Variants in ZBTB7C observed in about 807,000 individuals in gnomAD.
The protein encoded by ZBTB7C is zinc finger and BTB domain containing 7C, also known as zinc finger and BTB domain-containing protein 7C.
Under a neutral mutation model 25.7 loss-of-function variants are expected in ZBTB7C, and 8 were observed. The ratio of observed to expected loss-of-function variants is 0.31; its 90% CI spans 0.18 to 0.56. ZBTB7C has a LOEUF of 0.56. ZBTB7C is among the 20% of genes least tolerant of loss of function. ZBTB7C has a pLI of 0.91. For missense variants in ZBTB7C, 824 were observed against 855.2 expected, an observed-to-expected ratio of 0.96 and a Z score of 0.46; for synonymous variants, 394 against 369.0, an observed-to-expected ratio of 1.07 and a Z score of -0.78.
At chr18:48,123,324 C>T (rs2039692590) in intron 3 of ZBTB7C, among the ~76,000 whole-genome samples, 1 of 152,268 alleles carries the variant, frequency 6.6e-6, no homozygotes, top group African/African-American at 2.4e-5. Flanking sequence ...ATGGGGACCC[C>T]AGCTGCTGGG....
chr18:48,389,982 T>A (rs1420817890), intron 1 of ZBTB7C, among the ~76,000 whole-genome samples: 3 of 152,196 alleles, frequency 2.0e-5, no homozygotes, highest in African/African-American at 7.2e-5. Context: ...ATTTTTTCAG[T>A]GTATTTAAAG....
Position 48,040,582 on chromosome 18 carries a change from T to C in ZBTB7C, c.526A>G (p.Asn176Asp), listed in dbSNP as rs762206149. Residue 176 changes from asparagine to aspartate, a missense_variant, in exon 4 of 5, where the codon AAC becomes GAC. Coordinates refer to ENST00000590800, the MANE Select transcript of ZBTB7C (RefSeq NM_001318841.2). ...CTGATGTCCTGGGGGTCAGGCAAGTTTTCTTGGTCAGCAAAGTCCTCCGTG... is the reference window on the plus strand; with the variant it reads ...CTGATGTCCTGGGGGTCAGGCAAGTCTTCTTGGTCAGCAAAGTCCTCCGTG... ...DDTEDFADQE[N>D]LPDPQDISCH... 1 of 1,613,844 alleles carries C rather than the reference T, an allele frequency of 6.2e-7. No homozygotes were observed. The highest frequency in any genetic ancestry group is 2.2e-5 in the East Asian group (1 of 44,872).
chr18:48,195,206 T>C (rs76443480), intron 2 of ZBTB7C, among the ~76,000 whole-genome samples: 2,115 of 152,348 alleles, frequency 0.014, 26 homozygotes, highest in Non-Finnish European at 0.022. Flanking sequence ...TTCTATTTTT[T>C]GGTAAATTGT....
chr18:48,056,002 T>C (rs1256000089), intron 3 of ZBTB7C, among the ~76,000 whole-genome samples: 1 of 152,074 alleles, frequency 6.6e-6, no homozygotes, highest in East Asian at 1.9e-4. Context: ...AAATGTTGAA[T>C]AAGAAATACA....
At chr18:48,205,297 T>A (rs923738151) in intron 2 of ZBTB7C, among the ~76,000 whole-genome samples, 2 of 152,078 alleles carry the variant, frequency 1.3e-5, no homozygotes, top group Non-Finnish European at 2.9e-5. Flanking sequence ...AGTGACAATA[T>A]GTAGAGGACA....
intron 3 of ZBTB7C, among the ~76,000 whole-genome samples, chr18:48,060,449 C>G (rs932873188): frequency 2.0e-5 from 3 of 152,060 alleles, no homozygotes; most frequent in African/African-American, 7.2e-5. Context: ...AATCAGCTTT[C>G]ACTGTGGGAG....
At chr18:48,383,576 T>A (rs1216984774) in intron 1 of ZBTB7C, among the ~76,000 whole-genome samples, 1 of 152,192 alleles carries the variant, frequency 6.6e-6, no homozygotes, top group Non-Finnish European at 1.5e-5. Context: ...CCAAGTGCAA[T>A]CTTTTTCAAA....
chr18:48,233,424 A>C (rs1008109425), intron 2 of ZBTB7C, among the ~76,000 whole-genome samples: 1 of 152,244 alleles, frequency 6.6e-6, no homozygotes, highest in Non-Finnish European at 1.5e-5. Context: ...AGGTGAATTC[A>C]GATTGTAAAA....
At chr18:48,318,283 T>G (rs2144836100) in intron 2 of ZBTB7C, among the ~76,000 whole-genome samples, 1 of 152,046 alleles carries the variant, frequency 6.6e-6, no homozygotes, top group African/African-American at 2.4e-5. Flanking sequence ...TCTTCCTCTC[T>G]TCCTCCCATA....
intron 2 of ZBTB7C, among the ~76,000 whole-genome samples, chr18:48,296,723 A>G (rs2045402883): frequency 6.6e-6 from 1 of 152,078 alleles, no homozygotes; most frequent in South Asian, 2.1e-4. Context: ...ACAGTCTGGT[A>G]GTGGCGGGTG....
Position 48,400,111 on chromosome 18 carries a change from C to T in ZBTB7C, c.-304+9115G>A, listed in dbSNP as rs553073656. On this transcript the variant is annotated intron_variant, in intron 1 of 4. Coordinates refer to ENST00000590800, the MANE Select transcript of ZBTB7C (RefSeq NM_001318841.2). The stretch of plus-strand genomic sequence containing the variant: ...CACCTTTCAAAAGTAACAATTAATG[C>T]CCCTGCCCCATCTCCAAAACGCACT... Among the ~76,000 whole-genome samples, 11 of 152,288 alleles carry T rather than the reference C, an allele frequency of 7.2e-5. No homozygotes were observed. The South Asian group carries it at 1.7e-3, about 23-fold the overall frequency.
At chr18:48,206,588 A>G (rs2042581661) in intron 2 of ZBTB7C, among the ~76,000 whole-genome samples, 1 of 152,162 alleles carries the variant, frequency 6.6e-6, no homozygotes, top group Non-Finnish European at 1.5e-5. Flanking sequence ...TCAGTCCAGG[A>G]GGCTGAGGCT....
chr18:48,287,238 T>G (rs1375979926), intron 2 of ZBTB7C, among the ~76,000 whole-genome samples: 2 of 152,230 alleles, frequency 1.3e-5, no homozygotes, highest in Admixed American at 1.3e-4. Context: ...TGAATGATAA[T>G]GAAAATAATT....
chr18:48,235,525 A>T (rs2043356500), intron 2 of ZBTB7C, among the ~76,000 whole-genome samples: 1 of 152,020 alleles, frequency 6.6e-6, no homozygotes, highest in Non-Finnish European at 1.5e-5. Context: ...TAAAATTAAC[A>T]TTTGTTTATA....
At chr18:48,238,447 C>T (rs946915658) in intron 2 of ZBTB7C, among the ~76,000 whole-genome samples, 6 of 152,266 alleles carry the variant, frequency 3.9e-5, no homozygotes, top group Non-Finnish European at 7.4e-5. Flanking sequence ...TGAGACAGCC[C>T]AAAAACTGAG....
intron 1 of ZBTB7C, among the ~76,000 whole-genome samples, chr18:48,374,493 G>T (rs932657097): frequency 6.6e-6 from 1 of 152,132 alleles, no homozygotes; most frequent in Admixed American, 6.5e-5. Flanking sequence ...CTCATCTCTG[G>T]GGTCCCTCCC....
intron 3 of ZBTB7C, among the ~76,000 whole-genome samples, chr18:48,147,269 G>T (rs1212957588): frequency 1.3e-5 from 2 of 152,116 alleles, no homozygotes; most frequent in African/African-American, 2.4e-5. Flanking sequence ...GTAGAAAGAG[G>T]GTTTCATCAT....
At chr18:48,197,460 A>T (rs963802334) in intron 2 of ZBTB7C, among the ~76,000 whole-genome samples, 3 of 152,214 alleles carry the variant, frequency 2.0e-5, no homozygotes, top group African/African-American at 7.2e-5. Flanking sequence ...AACAGCTCTC[A>T]ATTTTTAAAA....
chr18:48,339,034 A>C (rs77012887), intron 1 of ZBTB7C, among the ~76,000 whole-genome samples: 4,903 of 152,268 alleles, frequency 0.032, 103 homozygotes, highest in South Asian at 0.097. Context: ...TGAGGAACAG[A>C]GACACCGGCT....
Sources: gnomAD v4.1 joint callset for allele counts (sites outside exome capture counted in the v4.1 genomes callset) on GRCh38, gnomAD v4.1.1 for gene constraint, MANE v1.5 for transcripts, NCBI Gene and HGNC (gene_info 2026-07-23, HGNC 2026-07-21) for gene names.